The following PRMT3 variants were observed in gnomAD, a reference collection of about 807,000 sequenced individuals.
The protein encoded by PRMT3 is protein arginine methyltransferase 3.
In PRMT3, 62 loss-of-function variants were observed where a neutral mutation model predicts 71.9. The observed-to-expected ratio is 0.86, with a 90% CI of 0.70 to 1.07. PRMT3 has a LOEUF of 1.07. Among genes scored for constraint, PRMT3 ranks in the 50% least tolerant of loss-of-function variants. The pLI, the probability that PRMT3 is intolerant of heterozygous loss-of-function variation, is 0.00. For synonymous variants in PRMT3, 213 were observed against 220.4 expected (o/e 0.97, Z 0.30); for missense variants, 663 against 643.0 (o/e 1.03, Z -0.34).
intron 10 of PRMT3, among the ~76,000 whole-genome samples, chr11:20,439,171 A>G (rs1349463287): frequency 6.6e-6 from 1 of 152,150 alleles, no homozygotes; most frequent in African/African-American, 2.4e-5. Flanking sequence ...GGGAGAGCAC[A>G]GCTATTTGGA....
chr11:20,411,358 T>C (rs996077131), intron 9 of PRMT3, among the ~76,000 whole-genome samples: 15 of 152,220 alleles, frequency 9.9e-5, no homozygotes, highest in African/African-American at 3.1e-4. Flanking sequence ...ACACTAATTT[T>C]AATGTAGTGA....
chr11:20,423,629 C>T (rs935231304), intron 9 of PRMT3, among the ~76,000 whole-genome samples: 3 of 151,960 alleles, frequency 2.0e-5, no homozygotes, highest in African/African-American at 4.8e-5. Context: ...TAAGAAGTCA[C>T]CTGTCAGAAC....
At chr11:20,412,583 GT>G (rs988814377) in intron 9 of PRMT3, among the ~76,000 whole-genome samples, 3 of 151,560 alleles carry the variant, frequency 2.0e-5, no homozygotes, top group Non-Finnish European at 4.4e-5. Flanking sequence ...TTTTGTTTTT[GT>G]TTTTGTTGGA....
chr11:20,446,193 C>A (rs1850024279), intron 10 of PRMT3, among the ~76,000 whole-genome samples: 1 of 151,986 alleles, frequency 6.6e-6, no homozygotes, highest in African/African-American at 2.4e-5. Flanking sequence ...TTATTTCATA[C>A]CTCCATAGAC....
At chr11:20,417,090 C>T (rs928002995) in intron 9 of PRMT3, among the ~76,000 whole-genome samples, 3 of 152,256 alleles carry the variant, frequency 2.0e-5, no homozygotes, top group East Asian at 1.9e-4. Flanking sequence ...CTGTCATGCT[C>T]GCTGACGTGT....
At chr11:20,424,127 T>C (rs1299595458) in intron 9 of PRMT3, among the ~76,000 whole-genome samples, 1 of 144,856 alleles carries the variant, frequency 6.9e-6, no homozygotes, top group African/African-American at 2.6e-5. Flanking sequence ...GAGCTTACAG[T>C]GAGCCGAGAT....
intron 10 of PRMT3, among the ~76,000 whole-genome samples, chr11:20,449,216 A>G (rs1475120052): frequency 2.0e-5 from 3 of 152,162 alleles, no homozygotes; most frequent in Admixed American, 6.6e-5. Flanking sequence ...TTAGTTCTAT[A>G]TATATGCTAG....
intron 15 of PRMT3, among the ~76,000 whole-genome samples, chr11:20,504,842 T>C (rs1851553001): frequency 6.6e-6 from 1 of 152,076 alleles, no homozygotes; most frequent in Admixed American, 6.5e-5. Flanking sequence ...CAGGCCATCC[T>C]TGTGCCTCAG....
chr11:20,464,433 C>CT, intron 12 of PRMT3, 27 bp from the exon 13 acceptor site: 2 of 1,504,710 alleles, frequency 1.3e-6, no homozygotes, highest in East Asian at 2.5e-5. Flanking sequence ...TTACTAAGCT[C>CT]TTTCTTCACT....
rs1257650492 is a variant in PRMT3 at position 20,452,195 on chromosome 11, A to C, written c.1059A>C (p.Ala353=). The change falls in exon 11 of 16, where the codon GCA becomes GCC. Residue 353 remains alanine, a synonymous_variant. Transcript: ENST00000331079. Reference sequence around the variant, plus strand: ...TTTATGCAAAGAACAAATACTTGGCAAAAGGAGGCTCGGGTGAGTATAAAA... The same window carrying C: ...TTTATGCAAAGAACAAATACTTGGCCAAAGGAGGCTCGGGTGAGTATAAAA... ...SVLYAKNKYL[A]KGGSVYPDIC... is the part of the protein sequence containing the mutation. 18 of 1,606,168 alleles carry C rather than the reference A, an allele frequency of 1.1e-5. No individual in the cohort carries two copies. Among genetic ancestry groups the C allele is most frequent in the Middle Eastern group, 3.3e-4 (2 of 6,018 alleles).
At chr11:20,453,760 A>AC (rs1850206662) in intron 11 of PRMT3, among the ~76,000 whole-genome samples, 1 of 152,068 alleles carries the variant, frequency 6.6e-6, no homozygotes, top group South Asian at 2.1e-4. Context: ...CAGGTTGAAT[A>AC]TCCCTTATCT....
chr11:20,411,306 A>G (rs1590043899), intron 9 of PRMT3, among the ~76,000 whole-genome samples: 1 of 152,222 alleles, frequency 6.6e-6, no homozygotes. Context: ...ATTTTTGGAA[A>G]GGGAGTCTGA....
At chr11:20,452,347 A>G in intron 11 of PRMT3, 139 bp downstream of exon 11, 2 of 642,766 alleles carry the variant, frequency 3.1e-6, no homozygotes, top group Non-Finnish European at 5.3e-6. Context: ...AGAAGCTTTA[A>G]GACATTTGTT....
At chr11:20,404,594 C>T (rs1462498250) in intron 8 of PRMT3, among the ~76,000 whole-genome samples, 3 of 152,096 alleles carry the variant, frequency 2.0e-5, no homozygotes, top group African/African-American at 7.2e-5. Flanking sequence ...GTCTAAAAAC[C>T]ACTCTGTTTC....
chr11:20,417,563 G>A (rs1459027767), intron 9 of PRMT3, among the ~76,000 whole-genome samples: 1 of 151,810 alleles, frequency 6.6e-6, no homozygotes, highest in African/African-American at 2.4e-5. Context: ...AATCACATAG[G>A]GAAAATGTAG....
chr11:20,410,266 T>A (rs893180490), intron 9 of PRMT3, among the ~76,000 whole-genome samples: 1 of 152,082 alleles, frequency 6.6e-6, no homozygotes, highest in Non-Finnish European at 1.5e-5. Context: ...CATTTAACAT[T>A]CAATTACTTA....
Position 20,410,609 on chromosome 11 carries a change from A to AT in PRMT3, c.893+2585dup, listed in dbSNP as rs1290367237. On this transcript the variant is annotated intron_variant, in intron 9 of 15. Coordinates refer to ENST00000331079, the MANE Select transcript of PRMT3 (RefSeq NM_005788.4). ...GTAATTCTATCCAGATTTAAGAACA[A>AT]TTTTTTTTCTGCCCACATAATCCTA... Among the ~76,000 whole-genome samples the AT allele has an allele frequency of 9.9e-5, 15 of 151,878 alleles. 2 individuals are homozygous for AT. The highest frequency in any genetic ancestry group is 7.2e-4 in the Admixed American group (11 of 15,244).
chr11:20,404,143 A>G (rs943239222), intron 8 of PRMT3, among the ~76,000 whole-genome samples: 1 of 115,280 alleles, frequency 8.7e-6, no homozygotes, highest in Non-Finnish European at 1.9e-5. Flanking sequence ...AATTATAGTT[A>G]TCAGTTTTTT....
At chr11:20,421,192 C>T (rs116563488) in intron 9 of PRMT3, among the ~76,000 whole-genome samples, 4,717 of 152,186 alleles carry the variant, frequency 0.031, 246 homozygotes, top group African/African-American at 0.11. Flanking sequence ...CTCACGCCAC[C>T]GTGCCTGGCT....
Sources: allele counts gnomAD v4.1 joint callset (sites outside exome capture counted in the v4.1 genomes callset), GRCh38; gene constraint gnomAD v4.1.1; transcripts MANE v1.5; gene names NCBI Gene and HGNC (gene_info 2026-07-23, HGNC 2026-07-21).